Variants in AHCY observed in about 807,000 individuals in gnomAD.
AHCY encodes the protein S-adenosyl-L-homocysteine hydrolase.
A neutral mutation model predicts 45.4 loss-of-function variants in AHCY; 24 were observed. The ratio of observed to expected loss-of-function variants is 0.53; its 90% confidence interval spans 0.38 to 0.74. AHCY has a LOEUF of 0.74. AHCY is among the 30% of genes least tolerant of loss of function. The pLI, the probability that AHCY is intolerant of heterozygous loss-of-function variation, is 0.00. For synonymous variants in AHCY, 245 were observed against 235.1 expected (o/e 1.04, Z -0.39); for missense variants, 449 against 594.1 (o/e 0.76, Z 2.54).
At chr20:34,252,564 T>G in the AHCY span, among the ~76,000 whole-genome samples, 1 of 152,172 alleles carries the variant, frequency 6.6e-6, no homozygotes, top group African/African-American at 2.4e-5. Context: ...TAGAATAAAA[T>G]GAATGGGAAT....
the AHCY span, among the ~76,000 whole-genome samples, chr20:34,269,825 T>A: frequency 6.6e-6 from 1 of 150,382 alleles, no homozygotes; most frequent in Non-Finnish European, 1.5e-5. Flanking sequence ...ATGCGGTAAA[T>A]CTCAGCTACT....
the AHCY span, among the ~76,000 whole-genome samples, chr20:34,245,536 C>T: frequency 9.9e-5 from 15 of 151,184 alleles, no homozygotes; most frequent in African/African-American, 2.7e-4. Context: ...TACAGGTGTG[C>T]GCCACCATGC....
Position 34,290,717 on chromosome 20 carries a change from T to C in AHCY, c.766+14A>G, listed in dbSNP as rs993760197. 3.1e-6 allele frequency: 5 copies of C among 1,613,386 alleles called. No homozygotes were observed. Among genetic ancestry groups the C allele is most frequent in the Non-Finnish European group, 4.2e-6 (5 of 1,179,934 alleles). ...GGCCCCAGTGGCTGACAACCAACCC[T>C]TGCCCTATCCTACCCTCCATGGCAG... On this transcript the variant is annotated intron_variant, in intron 6 of 9. Transcript: ENST00000217426. This position sits in a 1 kb window ranked among gnomAD's most constrained non-coding sequence, Gnocchi z 4.5.
chr20:34,258,623 AT>A, the AHCY span, among the ~76,000 whole-genome samples: 1 of 121,434 alleles, frequency 8.2e-6, no homozygotes, highest in East Asian at 2.9e-4. Context: ...GCTGGAAATC[AT>A]GGTGGAGAGC....
At chr20:34,302,127 A>G (rs2036796263) in intron 1 of AHCY, 1 of 379,492 alleles carries the variant, frequency 2.6e-6, no homozygotes, top group African/African-American at 2.2e-5. Context: ...CAGCCTCCCG[A>G]GTAGCTGGGA....
chr20:34,269,188 G>A, the AHCY span: 4 of 1,481,768 alleles, frequency 2.7e-6, no homozygotes, highest in African/African-American at 2.9e-5. Context: ...TCCCGGCCGC[G>A]AGCAGGCAGG....
Position 34,281,037 on chromosome 20 carries a change from G to C in AHCY, c.1296C>G (p.Tyr432Ter), listed in dbSNP as rs1395290005. 3 of 1,614,146 alleles carry C rather than the reference G, an allele frequency of 1.9e-6. No individual in the cohort carries two copies. The highest frequency in any genetic ancestry group is 3.3e-5 in the Admixed American group (2 of 60,018). Residue 432 changes from tyrosine (Y) to a stop codon, truncating the protein, a stop_gained, in exon 10 of 10, where the codon TAC becomes TAG. Coordinates refer to ENST00000217426, the MANE Select transcript of AHCY (RefSeq NM_000687.4). LOFTEE classifies it high-confidence loss of function. ...DGPFKPDHYR[Y>*] ...GGGTGAAACGCAGACCTGGCTCTCA[G>C]TAGCGGTAGTGATCCGGCTTGAAGG...
the AHCY span, among the ~76,000 whole-genome samples, chr20:34,236,774 A>T: frequency 2.0e-5 from 3 of 152,018 alleles, no homozygotes; most frequent in Non-Finnish European, 4.4e-5. Flanking sequence ...ATTTTGGGAA[A>T]CTCTAGATAA....
At chr20:34,247,101 A>C in the AHCY span, among the ~76,000 whole-genome samples, 2 of 150,732 alleles carry the variant, frequency 1.3e-5, no homozygotes, top group Admixed American at 1.3e-4. Context: ...TAGGTGATCC[A>C]CCTGCCTCAT....
At chr20:34,303,501 C>T (rs182981120), upstream of AHCY, 3 of 683,902 alleles carry the variant, frequency 4.4e-6, no homozygotes, top group African/African-American at 1.8e-5. Flanking sequence ...AGGCGTGGCC[C>T]CAGGAGTCTC....
At chr20:34,239,049 T>G in the AHCY span, among the ~76,000 whole-genome samples, 1 of 152,178 alleles carries the variant, frequency 6.6e-6, no homozygotes. Flanking sequence ...TAATTATTTC[T>G]AAGGGAATAA....
the AHCY span, among the ~76,000 whole-genome samples, chr20:34,246,714 T>C: frequency 6.6e-6 from 1 of 152,180 alleles, no homozygotes; most frequent in East Asian, 1.9e-4. Context: ...CACCTCAGCC[T>C]CCCAAAGTGC....
the AHCY span, among the ~76,000 whole-genome samples, chr20:34,272,011 G>A: frequency 1.3e-5 from 2 of 151,296 alleles, no homozygotes; most frequent in South Asian, 4.2e-4. Flanking sequence ...GGGGAGACTT[G>A]GGGACCTCAA....
chr20:34,262,040 G>C, the AHCY span, among the ~76,000 whole-genome samples: 1 of 151,916 alleles, frequency 6.6e-6, no homozygotes, highest in East Asian at 1.9e-4. Flanking sequence ...TTGAACCCAG[G>C]AGGCAGAAGT....
the AHCY span, among the ~76,000 whole-genome samples, chr20:34,257,146 C>T: frequency 3.4e-5 from 5 of 148,754 alleles, no homozygotes; most frequent in Admixed American, 1.4e-4. Context: ...TGAAGTGGTA[C>T]GATCTCAGCT....
At chr20:34,271,235 C>T in the AHCY span, among the ~76,000 whole-genome samples, 1 of 152,196 alleles carries the variant, frequency 6.6e-6, no homozygotes, top group Admixed American at 6.5e-5. Context: ...AGCCACCACG[C>T]CCCACCTCCT....
intron 1 of AHCY, among the ~76,000 whole-genome samples, chr20:34,295,891 C>A (rs1488112500): frequency 6.6e-6 from 1 of 152,134 alleles, no homozygotes; most frequent in African/African-American, 2.4e-5. Context: ...TCCCACTACC[C>A]TGCCTTTCTG....
chr20:34,235,866 A>AAGGAAAGG, the AHCY span, among the ~76,000 whole-genome samples: 6 of 36,864 alleles, frequency 1.6e-4, no homozygotes, highest in South Asian at 1.1e-3. Flanking sequence ...GGAAGGAAGG[A>AAGGAAAGG]AAGGAAGGAA....
At chr20:34,309,746 AC>A (rs1568821751) in intron 1 of AHCY, among the ~76,000 whole-genome samples, 1 of 152,118 alleles carries the variant, frequency 6.6e-6, no homozygotes, top group African/African-American at 2.4e-5. Context: ...GTGCCATTGC[AC>A]TCCAGCCTGG....
Sources: gnomAD v4.1 joint callset for allele counts (sites outside exome capture counted in the v4.1 genomes callset) on GRCh38, gnomAD v4.1.1 for gene constraint, Gnocchi (gnomAD v3.1) non-coding constraint, MANE v1.5 for transcripts, NCBI Gene and HGNC (gene_info 2026-07-23, HGNC 2026-07-21) for gene names.